ENAH: variants seen among roughly 807,000 people sequenced by gnomAD.
ENAH encodes the protein ENAH actin regulator.
A neutral mutation model predicts 78.7 loss-of-function variants in ENAH; 23 were observed. That is an observed-to-expected ratio of 0.29 (90% CI 0.21 to 0.41). ENAH has a LOEUF of 0.41. Among genes scored for constraint, ENAH ranks in the 10% least tolerant of loss-of-function variants. ENAH has a pLI of 1.00. For synonymous variants in ENAH, 226 were observed against 241.0 expected (o/e 0.94, Z 0.58); for missense variants, 544 against 691.0 (o/e 0.79, Z 2.39).
chr1:225,640,256 T>G (rs900514532), intron 1 of ENAH, among the ~76,000 whole-genome samples: 4 of 152,228 alleles, frequency 2.6e-5, no homozygotes, highest in African/African-American at 9.7e-5. Context: ...TCTTCTTTCA[T>G]TCTAATAATT....
intron 1 of ENAH, among the ~76,000 whole-genome samples, chr1:225,600,041 T>C (rs991903937): frequency 4.6e-5 from 7 of 152,148 alleles, no homozygotes. Context: ...CTTTCTGCCA[T>C]GAGTAAAAGC....
intron 1 of ENAH, among the ~76,000 whole-genome samples, chr1:225,631,964 ATTTG>A (rs199691752): frequency 0.082 from 12,482 of 152,142 alleles, 1,699 homozygotes; most frequent in African/African-American, 0.28. Flanking sequence ...CCTACTCACA[ATTTG>A]TTTGTACTAT....
At chr1:225,565,895 C>CAG (rs1168159955) in intron 2 of ENAH, among the ~76,000 whole-genome samples, 1 of 152,096 alleles carries the variant, frequency 6.6e-6, no homozygotes, top group Admixed American at 6.5e-5. Flanking sequence ...GAGAGACAGA[C>CAG]AGAAGGGAGC....
intron 1 of ENAH, 64 bp downstream of exon 1, chr1:225,652,622 G>A: frequency 1.6e-6 from 2 of 1,256,140 alleles, no homozygotes. Context: ...GGTCCGAGGA[G>A]AACGGGGGTC....
At chr1:225,611,687 T>G (rs1056288444) in intron 1 of ENAH, among the ~76,000 whole-genome samples, 3 of 152,026 alleles carry the variant, frequency 2.0e-5, no homozygotes, top group African/African-American at 7.2e-5. Context: ...CTCAGGAGGC[T>G]GAGGTGGGAG....
intron 3 of ENAH, among the ~76,000 whole-genome samples, chr1:225,544,474 G>A (rs1045700791): frequency 3.9e-5 from 6 of 152,150 alleles, no homozygotes; most frequent in African/African-American, 1.2e-4. Context: ...AGGAAGTAGA[G>A]AAAAGGGAAT....
Position 225,603,609 on chromosome 1 carries a change from G to A in ENAH, c.6-36195C>T, listed in dbSNP as rs535128937. ...GAACTGCTATGTTTATTCTACCACA[G>A]CCTCAAAATGTACAGAGGCATTCAT... On this transcript the variant is annotated intron_variant, in intron 1 of 13. Transcript: ENST00000366843. Among the ~76,000 whole-genome samples, 58 of 152,188 alleles carry A rather than the reference G, an allele frequency of 3.8e-4. 3 individuals carry two copies. The South Asian group carries it at 7.3e-3, about 19-fold the overall frequency.
In ENAH at chr1:225,618,164, C is replaced by T. The variant is rs932766545; in HGVS notation, c.5+34522G>A. Among the ~76,000 whole-genome samples, 7 of 152,306 alleles carry T rather than the reference C, an allele frequency of 4.6e-5. No homozygotes were observed. In the South Asian group the frequency reaches 1.2e-3, roughly 27 times the overall value. On this transcript the variant is annotated intron_variant, in intron 1 of 13. Transcript: ENST00000366843. ...TAATCCCAAACAGATTGTTCAACAG[C>T]TGTTGCCCTTGCCAAACTGGTCTCC...
intron 3 of ENAH, among the ~76,000 whole-genome samples, chr1:225,535,303 T>C (rs2151289652): frequency 6.6e-6 from 1 of 152,222 alleles, no homozygotes; most frequent in Admixed American, 6.5e-5. Context: ...TCTAACTAAT[T>C]CTAATGCTCG....
chr1:225,557,303 C>A (rs550727225), intron 2 of ENAH, among the ~76,000 whole-genome samples: 45 of 152,120 alleles, frequency 3.0e-4, no homozygotes, highest in African/African-American at 9.9e-4. Flanking sequence ...GTATTAGAAT[C>A]TTCTAATATT....
chr1:225,502,479 G>T (rs1021655680), intron 11 of ENAH, among the ~76,000 whole-genome samples: 8 of 152,022 alleles, frequency 5.3e-5, no homozygotes, highest in African/African-American at 7.2e-5. Flanking sequence ...CAAATTGCTG[G>T]GTGTAGGTGT....
At chr1:225,504,378 T>C (rs1307855552) in intron 11 of ENAH, among the ~76,000 whole-genome samples, 2 of 152,182 alleles carry the variant, frequency 1.3e-5, no homozygotes, top group African/African-American at 4.8e-5. Flanking sequence ...TGTACTACTA[T>C]ATTTAAGTCC....
intron 1 of ENAH, among the ~76,000 whole-genome samples, chr1:225,573,577 A>G (rs76181163): frequency 0.045 from 6,800 of 152,290 alleles, 235 homozygotes; most frequent in South Asian, 0.11. Context: ...TGTAGAGAAA[A>G]AATTCAAGAA....
At chr1:225,606,723 G>A (rs2096957358) in intron 1 of ENAH, among the ~76,000 whole-genome samples, 1 of 150,666 alleles carries the variant, frequency 6.6e-6, no homozygotes, top group Non-Finnish European at 1.5e-5. Flanking sequence ...TGCACCTGTA[G>A]TCCCAGCTAC....
chr1:225,606,047 A>T (rs1281153253), intron 1 of ENAH, among the ~76,000 whole-genome samples: 1 of 152,152 alleles, frequency 6.6e-6, no homozygotes, highest in Non-Finnish European at 1.5e-5. Flanking sequence ...TTTTATTATT[A>T]TTTTTTAATG....
chr1:225,586,155 G>A (rs1051795991), intron 1 of ENAH, among the ~76,000 whole-genome samples: 1 of 149,784 alleles, frequency 6.7e-6, no homozygotes, highest in East Asian at 2.0e-4. Context: ...ACTCAAGGCT[G>A]AGGCATAAGA....
In ENAH at chr1:225,514,617, T is replaced by C. The variant is rs2096402894; in HGVS notation, c.1197A>G (p.Ala399=). The change falls in exon 7 of 14, where the codon GCA becomes GCG. Residue 399 remains alanine (A), a synonymous_variant. Coordinates refer to ENST00000366843, the MANE Select transcript of ENAH (RefSeq NM_018212.6). ...LTGLAAAIAG[A]KLRKVSRMED... The stretch of plus-strand genomic sequence containing the variant: ...TTACCCGTGACACTTTCCTAAGTTT[T>C]GCTCCGGCAATTGCAGCTGCAAGTC... 1.2e-6 allele frequency: 2 copies of C among 1,612,326 alleles called. No individual in the cohort carries two copies. The highest frequency in any genetic ancestry group is 2.2e-5 in the East Asian group (1 of 44,882).
chr1:225,552,851 G>A (rs933530460), intron 3 of ENAH, among the ~76,000 whole-genome samples: 4 of 152,058 alleles, frequency 2.6e-5, no homozygotes, highest in African/African-American at 7.3e-5. Context: ...TCTATAATGT[G>A]GAACATTGTT....
chr1:225,515,691 G>C (rs2096411944), intron 6 of ENAH, among the ~76,000 whole-genome samples: 1 of 152,156 alleles, frequency 6.6e-6, no homozygotes, highest in Non-Finnish European at 1.5e-5. Context: ...GTTTAAGAGG[G>C]GTGTTTTCAG....
Sources: gnomAD v4.1 joint callset for allele counts (sites outside exome capture counted in the v4.1 genomes callset) on GRCh38, gnomAD v4.1.1 for gene constraint, MANE v1.5 for transcripts, NCBI Gene and HGNC (gene_info 2026-07-23, HGNC 2026-07-21) for gene names.